MGAT4C: variants seen among roughly 807,000 people sequenced by gnomAD.
MGAT4C encodes the protein alpha-1,3-mannosyl-glycoprotein 4-beta-N-acetylglucosaminyltransferase C.
A neutral mutation model predicts 40.1 loss-of-function variants in MGAT4C; 19 were observed. That is an observed-to-expected ratio of 0.47 (90% confidence interval 0.33 to 0.70). The LOEUF (loss-of-function observed/expected upper bound fraction) is 0.70, where lower values mean the gene tolerates loss of function less well. Among genes scored for constraint, MGAT4C ranks in the 30% least tolerant of loss-of-function variants. MGAT4C has a pLI of 0.02. For synonymous variants in MGAT4C, 181 were observed against 187.1 expected (o/e 0.97, Z 0.27); for missense variants, 491 against 563.2 (o/e 0.87, Z 1.30).
At chr12:86,178,178 C>T (rs190911335) in intron 1 of MGAT4C, among the ~76,000 whole-genome samples, 98 of 152,230 alleles carry the variant, frequency 6.4e-4, no homozygotes, top group African/African-American at 9.1e-4. Context: ...CCTTGTGATC[C>T]GCCCGCCTTG....
At chr12:86,509,800 G>C (rs1470709087) in intron 2 of MGAT4C, among the ~76,000 whole-genome samples, 6 of 152,070 alleles carry the variant, frequency 3.9e-5, no homozygotes, top group Admixed American at 6.6e-5. Flanking sequence ...TGGATTCCTA[G>C]GTATTTTATT....
intron 2 of MGAT4C, among the ~76,000 whole-genome samples, chr12:86,632,788 A>C (rs967776365): frequency 1.3e-5 from 2 of 152,144 alleles, no homozygotes; most frequent in Admixed American, 1.3e-4. Flanking sequence ...GGATAACATT[A>C]GGAGAAATAC....
chr12:86,518,521 T>C (rs1319334759), intron 2 of MGAT4C, among the ~76,000 whole-genome samples: 2 of 152,152 alleles, frequency 1.3e-5, no homozygotes, highest in Non-Finnish European at 2.9e-5. Context: ...GCTAAACTCA[T>C]AAAATTCAAT....
rs547389977 is a variant in MGAT4C, at chr12:86,837,209, G to A, written c.-262+1457C>T. The stretch of plus-strand genomic sequence containing the variant: ...GAAAGCTTGCCAAATGGAGGAATCC[G>A]TAGGGAAATTTTAATTTAAGGCCCT... On this transcript the variant is annotated intron_variant, in intron 1 of 7. Transcript: ENST00000548651. Among the ~76,000 whole-genome samples, 63 of 152,168 alleles carry A rather than the reference G, an allele frequency of 4.1e-4. 1 individual carries two copies. The highest frequency in any genetic ancestry group is 3.0e-3 in the Admixed American group (46 of 15,256).
At chr12:86,785,854 TCC>T (rs922608678) in intron 1 of MGAT4C, among the ~76,000 whole-genome samples, 6 of 151,858 alleles carry the variant, frequency 4.0e-5, no homozygotes, top group African/African-American at 1.4e-4. Context: ...CCCAAAATTT[TCC>T]CATTTTCTCT....
At chr12:86,761,356 A>C (rs1296599027) in intron 1 of MGAT4C, among the ~76,000 whole-genome samples, 1 of 152,174 alleles carries the variant, frequency 6.6e-6, no homozygotes, top group Non-Finnish European at 1.5e-5. Flanking sequence ...ATTATGGGTT[A>C]AGTGTAATTA....
chr12:86,497,572 T>G (rs1176693769), intron 2 of MGAT4C, among the ~76,000 whole-genome samples: 3 of 151,798 alleles, frequency 2.0e-5, no homozygotes, highest in African/African-American at 4.8e-5. Context: ...ACAGTAAAGC[T>G]AGAAGCTATA....
At chr12:86,603,560 T>A (rs1203110263) in intron 2 of MGAT4C, among the ~76,000 whole-genome samples, 8 of 108,798 alleles carry the variant, frequency 7.4e-5, no homozygotes, top group South Asian at 2.8e-4. Flanking sequence ...TAATATATAG[T>A]CTATAGACTA....
chr12:86,459,793 C>T (rs1469070615), intron 2 of MGAT4C, among the ~76,000 whole-genome samples: 2 of 148,280 alleles, frequency 1.3e-5, no homozygotes, highest in African/African-American at 2.5e-5. Context: ...ATCTTACCTA[C>T]AGAAACAAAC....
chr12:86,437,007 G>A (rs1400020956), intron 2 of MGAT4C, among the ~76,000 whole-genome samples: 2 of 151,560 alleles, frequency 1.3e-5, no homozygotes, highest in Non-Finnish European at 3.0e-5. Flanking sequence ...TGTAATTTTC[G>A]ATGTAGAAAT....
chr12:86,630,292 A>T lies in MGAT4C; in HGVS notation c.-229+96917T>A, dbSNP rs554656402. The stretch of plus-strand genomic sequence containing the variant: ...TACCAACCAAAAAAAGTCCAGGACC[A>T]GACAGATTCACAGCCGGATTCTACC... On this transcript the variant is annotated intron_variant, in intron 2 of 7. Coordinates refer to the MGAT4C transcript ENST00000548651. Among the ~76,000 whole-genome samples, 493 of 152,310 alleles carry T rather than the reference A, an allele frequency of 3.2e-3. 2 individuals are homozygous for T. Among genetic ancestry groups the T allele is most frequent in the African/African-American group, 0.012 (480 of 41,576 alleles).
intron 1 of MGAT4C, among the ~76,000 whole-genome samples, chr12:86,154,193 C>T (rs1365656964): frequency 6.6e-6 from 1 of 151,980 alleles, no homozygotes; most frequent in Non-Finnish European, 1.5e-5. Flanking sequence ...TTGGACTGAC[C>T]CAGTTCTCCC....
intron 3 of MGAT4C, among the ~76,000 whole-genome samples, chr12:86,411,588 T>C (rs1227631950): frequency 6.6e-6 from 1 of 152,210 alleles, no homozygotes; most frequent in Non-Finnish European, 1.5e-5. Context: ...TTATATTTTT[T>C]AGCAAAGAAA....
intron 2 of MGAT4C, among the ~76,000 whole-genome samples, chr12:86,578,807 T>C: frequency 6.6e-6 from 1 of 151,652 alleles, no homozygotes; most frequent in Non-Finnish European, 1.5e-5. Flanking sequence ...CAGAAAACTT[T>C]TTGTTTCATT....
In MGAT4C at chr12:86,405,494, A is replaced by G. The variant is rs1232628137; in HGVS notation, c.-120+29663T>C. ...AAAGAAATAACTGAAGATCTAAAAA[A>G]TGAAGGAGCACATTGGGTTTATGGA... On this transcript the variant is annotated intron_variant, in intron 3 of 7. Transcript: ENST00000548651. 3.9e-5 allele frequency among the ~76,000 whole-genome samples: 6 copies of G among 152,062 alleles called. No homozygotes were observed. The East Asian group carries it at 1.2e-3, about 29-fold the overall frequency.
At chr12:85,980,557 G>T in intron 4 of MGAT4C, 127 bp from the exon 5 acceptor site, 3 of 763,006 alleles carry the variant, frequency 3.9e-6, no homozygotes, top group Non-Finnish European at 6.0e-6. Flanking sequence ...AAATGACTAT[G>T]CACAGAACAT....
intron 1 of MGAT4C, among the ~76,000 whole-genome samples, chr12:86,158,533 G>A (rs1189965341): frequency 6.6e-6 from 1 of 152,054 alleles, no homozygotes; most frequent in Non-Finnish European, 1.5e-5. Flanking sequence ...CTTATTTCAT[G>A]TCTTTATTTT....
intron 2 of MGAT4C, among the ~76,000 whole-genome samples, chr12:86,673,588 C>T (rs76330571): frequency 0.012 from 1,828 of 152,074 alleles, 31 homozygotes; most frequent in African/African-American, 0.042. Context: ...TAACTAATCG[C>T]GTAATTTTGC....
rs369092625 is a variant in MGAT4C, at chr12:86,588,539, G to A, written c.-229+138670C>T. Among the ~76,000 whole-genome samples, 17 of 151,774 alleles carry A rather than the reference G, an allele frequency of 1.1e-4. 1 individual carries two copies. The highest frequency in any genetic ancestry group is 8.8e-5 in the Non-Finnish European group (6 of 67,868). On this transcript the variant is annotated intron_variant, in intron 2 of 7. Transcript: ENST00000548651. ...GACACCCAGGAATTGAACTCAGCTC[G>A]GCACCAAGTGGACCTAATAGACATC...
Sources: allele counts gnomAD v4.1 joint callset (sites outside exome capture counted in the v4.1 genomes callset), GRCh38; gene constraint gnomAD v4.1.1; transcripts MANE v1.5; gene names NCBI Gene and HGNC (gene_info 2026-07-23, HGNC 2026-07-21).